Variants in DENND1A observed in about 807,000 individuals in gnomAD.
DENND1A encodes the protein DENN domain containing 1A.
A neutral mutation model predicts 113.7 loss-of-function variants in DENND1A; 51 were observed. That is an observed-to-expected ratio of 0.45 (90% confidence interval 0.36 to 0.57). The LOEUF (loss-of-function observed/expected upper bound fraction) is 0.57. DENND1A is among the 20% of genes least tolerant of loss of function. DENND1A has a pLI of 0.00. For missense variants in DENND1A, 1,258 were observed against 1,395.9 expected (o/e 0.90, Z 1.57); for synonymous variants, 565 against 570.8 (o/e 0.99, Z 0.14).
intron 3 of DENND1A, among the ~76,000 whole-genome samples, chr9:123,776,456 T>C (rs1252660455): frequency 6.6e-6 from 1 of 152,234 alleles, no homozygotes; most frequent in Non-Finnish European, 1.5e-5. Flanking sequence ...ATTTTTTAAA[T>C]CATGGGTGGC....
chr9:123,798,472 T>C (rs1834101445), intron 2 of DENND1A: 1 of 152,200 alleles, frequency 6.6e-6, no homozygotes, highest in African/African-American at 2.4e-5. Flanking sequence ...GTTGTACAAA[T>C]AATGAGTCCA....
chr9:123,524,241 G>A (rs891633130), intron 13 of DENND1A, among the ~76,000 whole-genome samples: 1 of 152,234 alleles, frequency 6.6e-6, no homozygotes, highest in Non-Finnish European at 1.5e-5. Context: ...ACACTGCACA[G>A]AGTAGGCACT....
At chr9:123,616,087 G>A (rs187946560) in intron 10 of DENND1A, among the ~76,000 whole-genome samples, 85 of 152,186 alleles carry the variant, frequency 5.6e-4, no homozygotes, top group Non-Finnish European at 6.5e-4. Flanking sequence ...GTACTACCAC[G>A]CCTGGCTGGT....
chr9:123,537,581 T>C (rs148197525), intron 13 of DENND1A, among the ~76,000 whole-genome samples: 350 of 151,622 alleles, frequency 2.3e-3, no homozygotes, highest in African/African-American at 8.3e-3. Flanking sequence ...ATTCCTGGTC[T>C]ACAGAACCAG....
At chr9:123,591,186 T>G (rs1048039304) in intron 11 of DENND1A, among the ~76,000 whole-genome samples, 2 of 152,210 alleles carry the variant, frequency 1.3e-5, no homozygotes, top group Non-Finnish European at 2.9e-5. Flanking sequence ...GTTGGTTGTA[T>G]GAAAACAATG....
chr9:123,712,893 C>T (rs1313031246), intron 5 of DENND1A, among the ~76,000 whole-genome samples: 3 of 152,192 alleles, frequency 2.0e-5, no homozygotes, highest in Non-Finnish European at 2.9e-5. Context: ...TACCTAAATA[C>T]CTCAGCTCCT....
intron 9 of DENND1A, among the ~76,000 whole-genome samples, chr9:123,645,174 T>G (rs754779652): frequency 3.9e-5 from 6 of 152,238 alleles, no homozygotes; most frequent in Non-Finnish European, 8.8e-5. Context: ...GCATATTACC[T>G]GCCTCTGAAC....
chr9:123,831,704 G>A (rs1840244480), intron 2 of DENND1A, among the ~76,000 whole-genome samples: 1 of 152,174 alleles, frequency 6.6e-6, no homozygotes, highest in African/African-American at 2.4e-5. Flanking sequence ...TATGCCTACT[G>A]AAGATTCATA....
At chr9:123,471,434 G>C (rs1375473695) in intron 13 of DENND1A, among the ~76,000 whole-genome samples, 1 of 152,202 alleles carries the variant, frequency 6.6e-6, no homozygotes, top group East Asian at 1.9e-4. Flanking sequence ...AATTAGGATG[G>C]TTTCCTGCCC....
intron 1 of DENND1A, among the ~76,000 whole-genome samples, chr9:123,895,080 C>G (rs1407299797): frequency 1.3e-5 from 2 of 149,854 alleles, no homozygotes; most frequent in African/African-American, 4.9e-5. Flanking sequence ...TTTTAAGAGA[C>G]AGGGTGCTGC....
intron 2 of DENND1A, among the ~76,000 whole-genome samples, chr9:123,797,929 A>G (rs1189364419): frequency 6.6e-6 from 1 of 152,190 alleles, no homozygotes; most frequent in Non-Finnish European, 1.5e-5. Context: ...AAAGACGTCT[A>G]ATTCATAAAT....
At chr9:123,700,247 A>G (rs2065803030) in intron 5 of DENND1A, among the ~76,000 whole-genome samples, 1 of 152,174 alleles carries the variant, frequency 6.6e-6, no homozygotes, top group African/African-American at 2.4e-5. Flanking sequence ...AAATCTTCAT[A>G]CAGATTTTAG....
chr9:123,427,089 A>T (rs968034246), intron 19 of DENND1A, among the ~76,000 whole-genome samples: 2 of 152,208 alleles, frequency 1.3e-5, no homozygotes, highest in Non-Finnish European at 2.9e-5. Flanking sequence ...GCTGGTGGGG[A>T]GACCACCCTG....
intron 12 of DENND1A, among the ~76,000 whole-genome samples, chr9:123,560,009 AT>A (rs34432212): frequency 0.42 from 64,012 of 152,092 alleles, 16,449 homozygotes; most frequent in African/African-American, 0.73. Context: ...ATGTTGTAGC[AT>A]TGTGTCAAGA....
intron 3 of DENND1A, among the ~76,000 whole-genome samples, chr9:123,787,247 T>C (rs10818871): frequency 0.071 from 10,846 of 152,246 alleles, 538 homozygotes; most frequent in African/African-American, 0.14. Flanking sequence ...GTTGGTATAA[T>C]GTGGCTTCTT....
chr9:123,686,539 T>C (rs147391674), intron 5 of DENND1A, among the ~76,000 whole-genome samples: 385 of 152,334 alleles, frequency 2.5e-3, no homozygotes, highest in Middle Eastern at 0.01. Context: ...TTTTCTTACT[T>C]TGCCAGCTCC....
intron 13 of DENND1A, among the ~76,000 whole-genome samples, chr9:123,534,119 A>C (rs1446220874): frequency 4.6e-5 from 7 of 152,242 alleles, no homozygotes; most frequent in Admixed American, 4.6e-4. Flanking sequence ...AGCATAACAC[A>C]ATGAGCATCT....
At chr9:123,582,410 T>C (rs1357180061) in intron 12 of DENND1A, among the ~76,000 whole-genome samples, 1 of 152,016 alleles carries the variant, frequency 6.6e-6, no homozygotes, top group African/African-American at 2.4e-5. Flanking sequence ...TTTCTTTTTT[T>C]TTTTTTTGAG....
At chr9:123,755,735 A>G (rs2131378076) in intron 5 of DENND1A, among the ~76,000 whole-genome samples, 1 of 152,258 alleles carries the variant, frequency 6.6e-6, no homozygotes, top group East Asian at 1.9e-4. Context: ...TGAACAGTAC[A>G]TATATTTTCT....
Sources: gnomAD v4.1 joint callset for allele counts (sites outside exome capture counted in the v4.1 genomes callset) on GRCh38, gnomAD v4.1.1 for gene constraint, MANE v1.5 for transcripts, NCBI Gene and HGNC (gene_info 2026-07-23, HGNC 2026-07-21) for gene names.